The following PDE11A variants were observed in gnomAD, a reference collection of about 807,000 sequenced individuals.
PDE11A encodes the protein dual 3',5'-cyclic-AMP and -GMP phosphodiesterase 11A.
A neutral mutation model predicts 100.5 loss-of-function variants in PDE11A; 100 were observed. The ratio of observed to expected loss-of-function variants is 1.00; its 90% CI spans 0.85 to 1.18. PDE11A has a LOEUF of 1.18. Among genes scored for constraint, PDE11A ranks in the 50% most tolerant of loss-of-function variants. The pLI is 0.00. For synonymous variants in PDE11A, 381 were observed against 420.8 expected, an observed-to-expected ratio of 0.91 and a Z score of 1.16; for missense variants, 1,141 against 1,152.6, an observed-to-expected ratio of 0.99 and a Z score of 0.15.
intron 9 of PDE11A, among the ~76,000 whole-genome samples, chr2:177,816,088 G>A (rs914860187): frequency 6.6e-6 from 1 of 152,140 alleles, no homozygotes; most frequent in Non-Finnish European, 1.5e-5. Context: ...GTGCATGCCT[G>A]TAATCCCAGC....
intron 3 of PDE11A, among the ~76,000 whole-genome samples, chr2:177,899,827 G>A (rs1278241141): frequency 2.0e-5 from 3 of 150,226 alleles, no homozygotes; most frequent in Non-Finnish European, 4.4e-5. Flanking sequence ...CTCTACCCAA[G>A]AGGAAATACT....
At chr2:177,910,237 G>A (rs893059045) in intron 2 of PDE11A, among the ~76,000 whole-genome samples, 2 of 152,140 alleles carry the variant, frequency 1.3e-5, no homozygotes, top group African/African-American at 4.8e-5. Flanking sequence ...CAATGTATAC[G>A]CATATGACAG....
intron 2 of PDE11A, among the ~76,000 whole-genome samples, chr2:177,961,967 G>T (rs1239100063): frequency 7.2e-6 from 1 of 139,204 alleles, no homozygotes; most frequent in East Asian, 2.3e-4. Context: ...TGAGGCATGA[G>T]AATTGCTTGA....
chr2:177,825,523 A>C (rs1033919078), intron 6 of PDE11A, among the ~76,000 whole-genome samples: 1 of 152,228 alleles, frequency 6.6e-6, no homozygotes, highest in African/African-American at 2.4e-5. Context: ...GTGCTAATCC[A>C]GGTTAGTTCA....
At chr2:178,068,851 G>T (rs1281766074) in intron 1 of PDE11A, among the ~76,000 whole-genome samples, 1 of 152,144 alleles carries the variant, frequency 6.6e-6, no homozygotes, top group African/African-American at 2.4e-5. Context: ...CAGGAACAAA[G>T]TATAGAACTT....
chr2:178,104,588 A>G (rs112530343), intron 1 of PDE11A: 15 of 836,108 alleles, frequency 1.8e-5, no homozygotes, highest in Non-Finnish European at 2.7e-5. Context: ...TGATGATGTT[A>G]AACAAAAACA....
intron 3 of PDE11A, among the ~76,000 whole-genome samples, chr2:177,900,943 G>C (rs1425170047): frequency 6.6e-6 from 1 of 152,080 alleles, no homozygotes; most frequent in Non-Finnish European, 1.5e-5. Flanking sequence ...TCTCCAAACT[G>C]TCCTTGTTCA....
intron 2 of PDE11A, among the ~76,000 whole-genome samples, chr2:178,006,485 T>A (rs2086212584): frequency 6.6e-6 from 1 of 152,114 alleles, no homozygotes; most frequent in Non-Finnish European, 1.5e-5. Flanking sequence ...AATTTGCCTT[T>A]TTACCCTAAA....
At chr2:177,998,516 T>G in intron 2 of PDE11A, 1 of 1,389,874 alleles carries the variant, frequency 7.2e-7, no homozygotes, top group South Asian at 1.2e-5. Context: ...ATTGAGGCAG[T>G]TCTTTAATTG....
intron 4 of PDE11A, among the ~76,000 whole-genome samples, chr2:177,883,286 AAG>A (rs2084376916): frequency 1.3e-5 from 2 of 152,040 alleles, no homozygotes; most frequent in East Asian, 1.9e-4. Context: ...AAAAAAGAAA[AAG>A]AATGAATTAA....
intron 1 of PDE11A, among the ~76,000 whole-genome samples, chr2:178,023,333 A>G (rs1024297771): frequency 1.3e-5 from 2 of 152,208 alleles, no homozygotes; most frequent in Non-Finnish European, 2.9e-5. Flanking sequence ...CACACTTTAG[A>G]GGTACGAAAG....
chr2:178,102,443 T>G (rs1336368951), intron 2 of PDE11A, among the ~76,000 whole-genome samples: 3 of 147,490 alleles, frequency 2.0e-5, no homozygotes, highest in South Asian at 2.2e-4. Context: ...TTTTTTTTTT[T>G]TTTTTTTTTT....
intron 5 of PDE11A, among the ~76,000 whole-genome samples, chr2:177,870,726 C>G (rs2084116233): frequency 6.6e-6 from 1 of 152,112 alleles, no homozygotes; most frequent in African/African-American, 2.4e-5. Flanking sequence ...TTACCCTGGA[C>G]ATATTTCTTA....
At chr2:177,784,368 C>G (rs960498849) in intron 9 of PDE11A, among the ~76,000 whole-genome samples, 13 of 151,908 alleles carry the variant, frequency 8.6e-5, no homozygotes, top group Non-Finnish European at 2.9e-5. Flanking sequence ...TTTACAATTA[C>G]AATTACAGTT....
At chr2:177,748,706 G>C (rs1482071409) in intron 10 of PDE11A, among the ~76,000 whole-genome samples, 1 of 151,952 alleles carries the variant, frequency 6.6e-6, no homozygotes, top group Non-Finnish European at 1.5e-5. Context: ...ACTGACTCTA[G>C]GTTTTTACTA....
At chr2:178,062,656 C>G (rs2086987731) in intron 1 of PDE11A, among the ~76,000 whole-genome samples, 1 of 152,110 alleles carries the variant, frequency 6.6e-6, no homozygotes, top group Admixed American at 6.6e-5. Context: ...TATTAAGTTG[C>G]CAAATACCCA....
At chr2:177,904,994 T>G (rs927916051) in intron 3 of PDE11A, 104 bp downstream of exon 3, 3 of 755,866 alleles carry the variant, frequency 4.0e-6, no homozygotes, top group Non-Finnish European at 7.3e-6. Context: ...AAGATTCCTG[T>G]ACTATTCAAA....
intron 2 of PDE11A, among the ~76,000 whole-genome samples, chr2:178,082,320 A>G (rs2087296292): frequency 6.6e-6 from 1 of 152,242 alleles, no homozygotes; most frequent in African/African-American, 2.4e-5. Flanking sequence ...TGTTGTTATC[A>G]TTAATTTAGC....
In PDE11A at chr2:177,816,880, A is replaced by T. The variant is rs2083047179; in HGVS notation, c.1686T>A (p.Ile562=). 1 of 1,611,436 alleles carries T rather than the reference A, an allele frequency of 6.2e-7. No individual in the cohort carries two copies. Residue 562 remains isoleucine, a synonymous_variant, in exon 9 of 20, where the codon ATT becomes ATA. Coordinates refer to ENST00000286063, the MANE Select transcript of PDE11A (RefSeq NM_016953.4). The stretch of plus-strand genomic sequence containing the variant: ...AGGACTTCTTCACTTGATCATACAT[A>T]ATTGTGTTGTTGATGCCAAGTCCAC... The part of the protein sequence containing the change: ...IFCGLGINNT[I]MYDQVKKSWA...
Sources: gnomAD v4.1 joint callset for allele counts (sites outside exome capture counted in the v4.1 genomes callset) on GRCh38, gnomAD v4.1.1 for gene constraint, MANE v1.5 for transcripts, NCBI Gene and HGNC (gene_info 2026-07-23, HGNC 2026-07-21) for gene names.